The following DCUN1D1 variants were observed in gnomAD, a reference collection of about 807,000 sequenced individuals.
DCUN1D1 encodes defective in cullin neddylation 1 domain containing 1, also known as DCN1-like protein 1.
DCUN1D1 carries 3 observed loss-of-function variants against 39.0 expected under a neutral mutation model. That is an observed-to-expected ratio of 0.08 (90% confidence interval 0.04 to 0.20). DCUN1D1 has a LOEUF of 0.20. Ranked by LOEUF, DCUN1D1 falls within the 10% of genes least tolerant of loss-of-function variation. The pLI is 1.00. For missense variants in DCUN1D1, 158 were observed against 302.4 expected (o/e 0.52, Z 3.54); for synonymous variants, 82 against 96.3 (o/e 0.85, Z 0.87).
intron 1 of DCUN1D1, among the ~76,000 whole-genome samples, chr3:182,975,851 TAA>T (rs533263687): frequency 0.011 from 727 of 66,778 alleles, 8 homozygotes; most frequent in African/African-American, 0.041. Context: ...CCAGATATGC[TAA>T]AAAAAAAAAA....
rs1417805990 is a variant in DCUN1D1 at position 182,951,620 on chromosome 3, A to C, written c.521-3988T>G. ...GACAGAGAGAGACCCTGTCTCCCAA[A>C]AAAAAAAAAAAAAAAAAAAAAAAAA... On this transcript the variant is annotated intron_variant, in intron 4 of 6. Coordinates refer to ENST00000292782, the MANE Select transcript of DCUN1D1 (RefSeq NM_020640.4). Among the ~76,000 whole-genome samples the C allele has an allele frequency of 6.9e-3, 290 of 42,052 alleles. 2 individuals are homozygous for C. The highest frequency in any genetic ancestry group is 0.027 in the African/African-American group (265 of 9,864). The allele number at this position is 42,052 out of a possible 152,430, so 27.6% of individuals were successfully genotyped here. A position where few individuals can be genotyped will look rare whatever the true frequency, so the allele number is the denominator to read the frequency against.
intron 4 of DCUN1D1, among the ~76,000 whole-genome samples, chr3:182,953,548 C>T (rs924583004): frequency 6.6e-6 from 1 of 152,168 alleles, no homozygotes; most frequent in Non-Finnish European, 1.5e-5. Context: ...AACAATAGTA[C>T]CTATCCTTAC....
At chr3:182,951,021 A>AAAG (rs1726701310) in intron 4 of DCUN1D1, 2 of 150,734 alleles carry the variant, frequency 1.3e-5, no homozygotes, top group Non-Finnish European at 3.0e-5. Flanking sequence ...AAAAAAAAAA[A>AAAG]AAAAAAAAAA....
chr3:182,968,756 C>T (rs890950131), intron 1 of DCUN1D1, among the ~76,000 whole-genome samples: 4 of 152,034 alleles, frequency 2.6e-5, no homozygotes, highest in Non-Finnish European at 5.9e-5. Flanking sequence ...CGCACTGCTG[C>T]GCCCAGCTGA....
chr3:182,941,884 C>A lies in DCUN1D1; in HGVS notation c.*3210G>T, dbSNP rs1726149124. 6.6e-6 allele frequency: 1 copy of A among 152,064 alleles called. No homozygotes were observed. Among genetic ancestry groups the A allele is most frequent in the Non-Finnish European group, 1.5e-5 (1 of 67,960 alleles). The allele number at this position is 152,064 out of a possible 1,614,324, so 9.4% of individuals were successfully genotyped here. A position where few individuals can be genotyped will look rare whatever the true frequency, so the allele number is the denominator to read the frequency against. ...ATATGTGAAAATTACAGAAGGTTTA[C>A]AATACGTAGTCTTAATAGTAACATG... On this transcript the variant is annotated 3_prime_UTR_variant, in exon 7 of 7. Coordinates refer to ENST00000292782, the MANE Select transcript of DCUN1D1 (RefSeq NM_020640.4).
intron 3 of DCUN1D1, among the ~76,000 whole-genome samples, chr3:182,962,014 A>G (rs1340939156): frequency 6.6e-6 from 1 of 152,212 alleles, no homozygotes; most frequent in East Asian, 1.9e-4. Context: ...AAACAAATCA[A>G]TTCAATTTTT....
At position 182,941,219 on chromosome 3, in the gene DCUN1D1, T is replaced by C. The variant is rs1726120939; in HGVS notation, c.*3875A>G. On this transcript the variant is annotated 3_prime_UTR_variant, in exon 7 of 7. Transcript: ENST00000292782. Reference sequence around the variant, plus strand: ...AGAAATCGGGTACAAATAAAGCAAATATTTAAGAAAAATGGCAACAAATAG... The same window carrying C: ...AGAAATCGGGTACAAATAAAGCAAACATTTAAGAAAAATGGCAACAAATAG... The C allele has an allele frequency of 6.6e-6, 1 of 152,058 alleles. No homozygotes were observed. Among genetic ancestry groups the C allele is most frequent in the African/African-American group, 2.4e-5 (1 of 41,418 alleles). The allele number at this position is 152,058 out of a possible 1,614,324, so 9.4% of individuals were successfully genotyped here.
At chr3:182,966,751 T>A (rs1348394833) in intron 1 of DCUN1D1, among the ~76,000 whole-genome samples, 3 of 152,200 alleles carry the variant, frequency 2.0e-5, no homozygotes, top group African/African-American at 7.2e-5. Flanking sequence ...ATACTTGGGT[T>A]CTTCCTAAGC....
chr3:182,973,936 C>G (rs1471514773), intron 1 of DCUN1D1, among the ~76,000 whole-genome samples: 2 of 152,116 alleles, frequency 1.3e-5, no homozygotes, highest in African/African-American at 4.8e-5. Flanking sequence ...TTCTCTCCAC[C>G]CCTCAGAATT....
At chr3:182,962,134 C>T (rs1727429987) in intron 3 of DCUN1D1, among the ~76,000 whole-genome samples, 10 of 152,192 alleles carry the variant, frequency 6.6e-5, no homozygotes, top group Admixed American at 6.5e-4. Flanking sequence ...TTACATATTA[C>T]ATGAATTCAG....
chr3:182,980,798 G>A (rs115640113), upstream of DCUN1D1: 5,070 of 155,712 alleles, frequency 0.033, 295 homozygotes, highest in African/African-American at 0.11. Flanking sequence ...CTGCCGCGCC[G>A]GGCGGTCTCT....
chr3:182,947,429 T>C, intron 5 of DCUN1D1, 95 bp from the exon 6 acceptor site: 1 of 1,113,692 alleles, frequency 9.0e-7, no homozygotes, highest in African/African-American at 1.6e-5. Flanking sequence ...TGCAAAACAA[T>C]TATGTAACAA....
chr3:182,966,341 C>T (rs904568782), intron 1 of DCUN1D1, among the ~76,000 whole-genome samples: 1 of 152,060 alleles, frequency 6.6e-6, no homozygotes, highest in East Asian at 1.9e-4. Flanking sequence ...TAGGAGTATT[C>T]GACATTTCTC....
At chr3:182,973,470 G>A (rs756864163) in intron 1 of DCUN1D1, among the ~76,000 whole-genome samples, 12 of 152,172 alleles carry the variant, frequency 7.9e-5, no homozygotes, top group African/African-American at 1.9e-4. Flanking sequence ...TACATACTAC[G>A]TAATTATTGT....
chr3:182,961,421 T>A (rs750046380), intron 3 of DCUN1D1, 65 bp from the exon 4 acceptor site: 36 of 1,349,026 alleles, frequency 2.7e-5, no homozygotes, highest in Non-Finnish European at 3.6e-5. Flanking sequence ...ACTTACTTAT[T>A]CCCATGAGGG....
chr3:182,980,080 AACCCCAG>A, intron 1 of DCUN1D1: 2 of 901,038 alleles, frequency 2.2e-6, no homozygotes, highest in Non-Finnish European at 2.7e-6. Context: ...ACTCACCCGG[AACCCCAG>A]ACCCCAGTCC....
At chr3:182,972,767 G>A (rs569932068) in intron 1 of DCUN1D1, among the ~76,000 whole-genome samples, 74 of 152,164 alleles carry the variant, frequency 4.9e-4, no homozygotes, top group Non-Finnish European at 9.0e-4. Flanking sequence ...GAGGCTGGGC[G>A]CAGTGGCTCA....
intron 1 of DCUN1D1, among the ~76,000 whole-genome samples, chr3:182,972,050 GTTTTTTT>G (rs397877483): frequency 4.6e-5 from 5 of 108,874 alleles, no homozygotes; most frequent in Admixed American, 1.0e-4. Context: ...TCTATTTAGG[GTTTTTTT>G]TTTTTTTTTT....
chr3:182,981,736 A>G (rs1490137399), upstream of DCUN1D1, among the ~76,000 whole-genome samples: 1 of 152,224 alleles, frequency 6.6e-6, no homozygotes, highest in Admixed American at 6.5e-5. Context: ...TTACCAAAAC[A>G]ACAGAACTTC....
Sources: gnomAD v4.1 joint callset for allele counts (sites outside exome capture counted in the v4.1 genomes callset) on GRCh38, gnomAD v4.1.1 for gene constraint, MANE v1.5 for transcripts, NCBI Gene and HGNC (gene_info 2026-07-23, HGNC 2026-07-21) for gene names.